The following GPATCH2L variants were observed in gnomAD, a reference collection of about 807,000 sequenced individuals.
GPATCH2L encodes the protein G-patch domain containing 2 like.
In GPATCH2L, 31 loss-of-function variants were observed where a neutral mutation model predicts 57.4. The ratio of observed to expected loss-of-function variants is 0.54; its 90% CI spans 0.41 to 0.73. The LOEUF (loss-of-function observed/expected upper bound fraction) is 0.73. Ranked by LOEUF, GPATCH2L falls within the 30% of genes least tolerant of loss-of-function variation. The probability of loss-of-function intolerance (pLI) is 0.00; values close to 1 mark genes in which losing one functional copy is unlikely to be tolerated. For missense variants in GPATCH2L, 481 were observed against 599.9 expected, an observed-to-expected ratio of 0.80 and a Z score of 2.07; for synonymous variants, 199 against 210.7, an observed-to-expected ratio of 0.94 and a Z score of 0.48.
At chr14:76,215,201 C>G (rs1407569038), downstream of GPATCH2L, among the ~76,000 whole-genome samples, 2 of 151,950 alleles carry the variant, frequency 1.3e-5, no homozygotes, top group Non-Finnish European at 1.5e-5. Context: ...AAATGCAAAT[C>G]AAAACCACAA....
At chr14:76,179,615 A>G (rs2039478922) in intron 7 of GPATCH2L, 1 of 152,232 alleles carries the variant, frequency 6.6e-6, no homozygotes, top group African/African-American at 2.4e-5. Flanking sequence ...GGCAGATAGA[A>G]CAGTTGCTTA....
intron 2 of GPATCH2L, among the ~76,000 whole-genome samples, chr14:76,156,622 A>G (rs1393241377): frequency 6.6e-6 from 1 of 152,236 alleles, no homozygotes; most frequent in African/African-American, 2.4e-5. Context: ...CCCTCTATTG[A>G]GACATTCAAG....
intron 8 of GPATCH2L, among the ~76,000 whole-genome samples, chr14:76,182,452 G>A (rs1594959393): frequency 6.9e-6 from 1 of 145,530 alleles, no homozygotes; most frequent in Non-Finnish European, 1.5e-5. Flanking sequence ...TGTGTCTGGT[G>A]ATGTACACCT....
intron 8 of GPATCH2L, among the ~76,000 whole-genome samples, chr14:76,190,113 T>TG (rs1230545944): frequency 1.8e-5 from 1 of 54,872 alleles, no homozygotes; most frequent in East Asian, 5.8e-4. Flanking sequence ...TTTCTCAAAG[T>TG]ATTTTTTTTT....
intron 8 of GPATCH2L, among the ~76,000 whole-genome samples, chr14:76,186,857 C>T (rs754466520): frequency 6.6e-6 from 1 of 152,128 alleles, no homozygotes; most frequent in African/African-American, 2.4e-5. Context: ...ATAGATATGC[C>T]TACTTTAGCC....
intron 1 of GPATCH2L, among the ~76,000 whole-genome samples, chr14:76,225,985 C>T (rs1437949628): frequency 6.6e-5 from 10 of 152,158 alleles, no homozygotes; most frequent in South Asian, 2.1e-4. Flanking sequence ...TACGGAGCAA[C>T]GAACACTCTC....
At position 76,225,401 on chromosome 14, in the gene GPATCH2L, A is replaced by T. The variant is rs74982568; in HGVS notation, c.66-4407A>T. Among the ~76,000 whole-genome samples, 3 of 152,300 alleles carry T rather than the reference A, an allele frequency of 2.0e-5. No homozygotes were observed. The East Asian group carries it at 5.8e-4, about 29-fold the overall frequency. ...ATATATGGTGCTGACTCAGTTGGATATTCACAGGTAATATACATCTTGATC... is the reference window on the plus strand; with the variant it reads ...ATATATGGTGCTGACTCAGTTGGATTTTCACAGGTAATATACATCTTGATC... On this transcript the variant is annotated intron_variant and NMD_transcript_variant, in intron 1 of 3. Coordinates refer to the GPATCH2L transcript ENST00000556372.
At chr14:76,228,116 C>T (rs2040543861) in intron 1 of GPATCH2L, among the ~76,000 whole-genome samples, 1 of 152,226 alleles carries the variant, frequency 6.6e-6, no homozygotes, top group Non-Finnish European at 1.5e-5. Flanking sequence ...AACAAGACGG[C>T]TTGTCTGGAA....
chr14:76,182,734 T>G (rs2039623735), intron 8 of GPATCH2L, among the ~76,000 whole-genome samples: 1 of 152,184 alleles, frequency 6.6e-6, no homozygotes, highest in African/African-American at 2.4e-5. Context: ...AGCCAGCTCT[T>G]TGTTTAGATA....
chr14:76,192,917 G>T (rs2040025965), intron 8 of GPATCH2L, among the ~76,000 whole-genome samples: 2 of 152,100 alleles, frequency 1.3e-5, no homozygotes, highest in Admixed American at 6.6e-5. Flanking sequence ...GTAGGAATGG[G>T]GTGGTAGAAG....
intron 6 of GPATCH2L, among the ~76,000 whole-genome samples, chr14:76,177,127 C>A (rs1410075454): frequency 6.6e-6 from 1 of 152,194 alleles, no homozygotes; most frequent in African/African-American, 2.4e-5. Context: ...CTCACTGCAA[C>A]CTCTGCCTCC....
chr14:76,172,876 G>T (rs1369878700), intron 4 of GPATCH2L, among the ~76,000 whole-genome samples: 1 of 152,194 alleles, frequency 6.6e-6, no homozygotes. Flanking sequence ...CGAACCAGCA[G>T]TTGGTGCTTG....
At chr14:76,232,976 A>G (rs893851560) in intron 2 of GPATCH2L, among the ~76,000 whole-genome samples, 1 of 152,218 alleles carries the variant, frequency 6.6e-6, no homozygotes, top group African/African-American at 2.4e-5. Context: ...TCCAGTGGCC[A>G]AGGCCCCAGG....
chr14:76,156,742 T>G (rs766093943), intron 2 of GPATCH2L, among the ~76,000 whole-genome samples: 1 of 152,256 alleles, frequency 6.6e-6, no homozygotes, highest in Non-Finnish European at 1.5e-5. Flanking sequence ...TTTCTTCCCC[T>G]TAATTTCTTG....
intron 1 of GPATCH2L, among the ~76,000 whole-genome samples, chr14:76,224,435 C>T (rs948677126): frequency 1.3e-5 from 2 of 151,968 alleles, no homozygotes; most frequent in Non-Finnish European, 2.9e-5. Context: ...ACATTAGCAT[C>T]GTAAGGCAGA....
chr14:76,164,937 A>G (rs576648993), intron 2 of GPATCH2L, among the ~76,000 whole-genome samples: 67 of 152,292 alleles, frequency 4.4e-4, no homozygotes, highest in Admixed American at 3.2e-3. Context: ...TCTGGTGGGA[A>G]GGTTAGATAG....
chr14:76,231,190 A>G (rs1344221636), intron 2 of GPATCH2L, among the ~76,000 whole-genome samples: 1 of 152,216 alleles, frequency 6.6e-6, no homozygotes, highest in Non-Finnish European at 1.5e-5. Flanking sequence ...TGTGTATAGT[A>G]TCAACTCAAG....
At chr14:76,197,183 C>T (rs2040179929) in intron 9 of GPATCH2L, among the ~76,000 whole-genome samples, 1 of 152,104 alleles carries the variant, frequency 6.6e-6, no homozygotes, top group South Asian at 2.1e-4. Context: ...TAGAGCTGTC[C>T]TGCAGATGTT....
At chr14:76,181,499 AG>A (rs1488886274) in intron 8 of GPATCH2L, among the ~76,000 whole-genome samples, 1 of 152,008 alleles carries the variant, frequency 6.6e-6, no homozygotes, top group Non-Finnish European at 1.5e-5. Context: ...AGTTTATTTT[AG>A]TTGGTTTGGT....
Sources: gnomAD v4.1 joint callset for allele counts (sites outside exome capture counted in the v4.1 genomes callset) on GRCh38, gnomAD v4.1.1 for gene constraint, MANE v1.5 for transcripts, NCBI Gene and HGNC (gene_info 2026-07-23, HGNC 2026-07-21) for gene names.